The following ATG10 variants were observed in gnomAD, a reference collection of about 807,000 sequenced individuals.
The protein encoded by ATG10 is autophagy related 10.
In ATG10, 30 loss-of-function variants were observed where a neutral mutation model predicts 32.1. The ratio of observed to expected loss-of-function variants is 0.94; its 90% confidence interval spans 0.70 to 1.27. The LOEUF is 1.27. Ranked by LOEUF, ATG10 falls within the 50% of genes most tolerant of loss-of-function variation. ATG10 has a pLI of 0.00. For synonymous variants in ATG10, 87 were observed against 91.5 expected, an observed-to-expected ratio of 0.95 and a Z score of 0.28; for missense variants, 233 against 262.3, an observed-to-expected ratio of 0.89 and a Z score of 0.77.
At chr5:82,100,439 G>A (rs763251288) in intron 3 of ATG10, among the ~76,000 whole-genome samples, 6 of 152,090 alleles carry the variant, frequency 3.9e-5, no homozygotes, top group Non-Finnish European at 8.8e-5. Context: ...TCTCTCTCTA[G>A]GTGGTAGTAG....
intron 5 of ATG10, among the ~76,000 whole-genome samples, chr5:82,230,863 A>T (rs1746341424): frequency 2.6e-5 from 4 of 151,892 alleles, no homozygotes; most frequent in Admixed American, 2.0e-4. Context: ...AGTTATAAGG[A>T]CTATGTAAAA....
At chr5:82,072,175 T>C (rs1009560229) in intron 3 of ATG10, among the ~76,000 whole-genome samples, 1 of 152,160 alleles carries the variant, frequency 6.6e-6, no homozygotes, top group African/African-American at 2.4e-5. Context: ...AGTATGAACA[T>C]GTAGGTAGAA....
intron 1 of ATG10, among the ~76,000 whole-genome samples, chr5:81,981,725 CTT>C (rs1384738686): frequency 6.6e-5 from 10 of 152,172 alleles, no homozygotes; most frequent in African/African-American, 2.4e-4. Context: ...CCTATTATGA[CTT>C]TGATGTACAT....
rs191714145 is a variant in ATG10 at position 81,988,206 on chromosome 5, G to T, written c.108+528G>T. On this transcript the variant is annotated intron_variant, in intron 2 of 7. Coordinates refer to ENST00000282185, the MANE Select transcript of ATG10 (RefSeq NM_031482.5). ...CGCTGGAGTGCAGTGGCATGATCTT[G>T]GCTCACTGCAACCTCTGCCTTTGGG... Among the ~76,000 whole-genome samples, 70 of 152,236 alleles carry T rather than the reference G, an allele frequency of 4.6e-4. 1 individual carries two copies. The East Asian group carries it at 0.011, about 23-fold the overall frequency.
chr5:82,141,643 C>G (rs1753134141), intron 3 of ATG10, among the ~76,000 whole-genome samples: 1 of 151,326 alleles, frequency 6.6e-6, no homozygotes, highest in South Asian at 2.1e-4. Context: ...ATATAGCTTA[C>G]TTTAGATAAA....
intron 5 of ATG10, among the ~76,000 whole-genome samples, chr5:82,233,895 G>T (rs938206250): frequency 6.6e-6 from 1 of 152,082 alleles, no homozygotes; most frequent in Non-Finnish European, 1.5e-5. Flanking sequence ...TAGTTTTTAC[G>T]TGCCCTTACA....
chr5:82,109,893 T>C (rs1412360838), intron 3 of ATG10, among the ~76,000 whole-genome samples: 10 of 151,870 alleles, frequency 6.6e-5, no homozygotes, highest in Non-Finnish European at 1.2e-4. Context: ...CATGTTGGTG[T>C]GCTGCACCCA....
At chr5:82,116,456 G>A (rs1157339513) in intron 3 of ATG10, among the ~76,000 whole-genome samples, 1 of 151,974 alleles carries the variant, frequency 6.6e-6, no homozygotes, top group Non-Finnish European at 1.5e-5. Flanking sequence ...TAGTCTCAGG[G>A]CTATTGTTGA....
chr5:82,040,645 G>A (rs1398858515), intron 2 of ATG10, among the ~76,000 whole-genome samples: 1 of 152,074 alleles, frequency 6.6e-6, no homozygotes, highest in African/African-American at 2.4e-5. Context: ...ATGCACTAGA[G>A]GAAAATACAT....
At chr5:82,014,122 C>T (rs1347891000) in intron 2 of ATG10, among the ~76,000 whole-genome samples, 4 of 152,094 alleles carry the variant, frequency 2.6e-5, no homozygotes, top group African/African-American at 7.2e-5. Flanking sequence ...GTTCAGTTTC[C>T]ATGTAGTTGA....
intron 2 of ATG10, chr5:82,010,225 A>G (rs1366372351): frequency 3.9e-6 from 3 of 764,946 alleles, no homozygotes; most frequent in Non-Finnish European, 6.4e-6. Flanking sequence ...GTAAAAATGG[A>G]GGGGAAAAAT....
intron 3 of ATG10, among the ~76,000 whole-genome samples, chr5:82,070,935 C>T (rs1764112271): frequency 6.6e-6 from 1 of 152,120 alleles, no homozygotes; most frequent in South Asian, 2.1e-4. Context: ...CATCTAATGG[C>T]TTCATCTTTC....
At chr5:82,243,347 A>G (rs1746881323) in intron 5 of ATG10, among the ~76,000 whole-genome samples, 1 of 152,088 alleles carries the variant, frequency 6.6e-6, no homozygotes, top group African/African-American at 2.4e-5. Context: ...ATCAGTAATC[A>G]CAAAGCCTGT....
At chr5:82,220,224 T>C (rs1159291092) in intron 5 of ATG10, among the ~76,000 whole-genome samples, 5 of 151,546 alleles carry the variant, frequency 3.3e-5, no homozygotes, top group Non-Finnish European at 7.4e-5. Flanking sequence ...GCTGGGAGCA[T>C]GGCAGAAGGT....
At chr5:82,078,949 C>T (rs918929338) in intron 3 of ATG10, among the ~76,000 whole-genome samples, 2 of 152,124 alleles carry the variant, frequency 1.3e-5, no homozygotes, top group Admixed American at 6.5e-5. Context: ...AGTATCATAC[C>T]TCCATTGTTC....
chr5:82,164,431 A>G lies in ATG10; in HGVS notation c.249A>G (p.Glu83=), dbSNP rs1743495462. 6.2e-7 allele frequency: 1 copy of G among 1,613,738 alleles called. No homozygotes were observed. The highest frequency in any genetic ancestry group is 1.3e-5 in the African/African-American group (1 of 74,834). ...EAFELPLDDC[E]VIETAAASEV... ...TCGAGCTACCCTTGGATGATTGTGAAGTGATTGAAACTGCAGCAGCGTCCG... is the reference window on the plus strand; with the variant it reads ...TCGAGCTACCCTTGGATGATTGTGAGGTGATTGAAACTGCAGCAGCGTCCG... Residue 83 remains glutamate (E), a synonymous_variant, in exon 4 of 8, where the codon GAA becomes GAG. Transcript: ENST00000282185.
intron 2 of ATG10, among the ~76,000 whole-genome samples, chr5:81,994,113 C>T (rs1165931137): frequency 6.6e-6 from 1 of 152,214 alleles, no homozygotes; most frequent in African/African-American, 2.4e-5. Flanking sequence ...CCAATTCATT[C>T]AACACATTTC....
intron 2 of ATG10, among the ~76,000 whole-genome samples, chr5:81,997,244 G>T (rs546835753): frequency 6.6e-6 from 1 of 152,348 alleles, no homozygotes; most frequent in East Asian, 1.9e-4. Context: ...TCACCCATTG[G>T]AGTGTTGTGG....
intron 4 of ATG10, among the ~76,000 whole-genome samples, chr5:82,173,301 A>G (rs1333965816): frequency 6.6e-6 from 1 of 152,228 alleles, no homozygotes; most frequent in Non-Finnish European, 1.5e-5. Flanking sequence ...TTTAATTTAG[A>G]AAGCTGCACA....
Sources: allele counts gnomAD v4.1 joint callset (sites outside exome capture counted in the v4.1 genomes callset), GRCh38; gene constraint gnomAD v4.1.1; transcripts MANE v1.5; gene names NCBI Gene and HGNC (gene_info 2026-07-23, HGNC 2026-07-21).